THSD4: variants seen among roughly 807,000 people sequenced by gnomAD.
THSD4 encodes the protein thrombospondin type-1 domain-containing protein 4.
THSD4 carries 69 observed loss-of-function variants against 119.0 expected under a neutral mutation model. The ratio of observed to expected loss-of-function variants is 0.58; its 90% CI spans 0.48 to 0.71. THSD4 has a LOEUF of 0.71. Among genes scored for constraint, THSD4 ranks in the 30% least tolerant of loss-of-function variants. The probability of loss-of-function intolerance (pLI) is 0.00; values close to 1 mark genes in which losing one functional copy is unlikely to be tolerated. For missense variants in THSD4, 1,393 were observed against 1,391.1 expected (o/e 1.00, Z -0.02); for synonymous variants, 524 against 540.4 (o/e 0.97, Z 0.42).
chr15:71,703,157 T>C (rs2052325560), intron 8 of THSD4, among the ~76,000 whole-genome samples: 1 of 152,124 alleles, frequency 6.6e-6, no homozygotes, highest in African/African-American at 2.4e-5. Flanking sequence ...CTATTTTTAG[T>C]AGAGACAGAG....
chr15:71,361,916 C>G (rs1228217664), intron 6 of THSD4, among the ~76,000 whole-genome samples: 1 of 152,188 alleles, frequency 6.6e-6, no homozygotes, highest in Non-Finnish European at 1.5e-5. Flanking sequence ...AATAAATATA[C>G]ATACATATTT....
intron 7 of THSD4, among the ~76,000 whole-genome samples, chr15:71,472,766 G>A (rs2047599438): frequency 6.6e-6 from 1 of 152,172 alleles, no homozygotes; most frequent in African/African-American, 2.4e-5. Flanking sequence ...TGACTTGTGT[G>A]TTATTCTCAT....
upstream of THSD4, chr15:71,113,820 T>A (rs2040326110): frequency 6.6e-6 from 1 of 152,248 alleles, no homozygotes; most frequent in African/African-American, 2.4e-5. Flanking sequence ...TTAGTTTTGC[T>A]TTTTTAAAAT....
chr15:71,734,417 A>G (rs1442593991), intron 10 of THSD4, among the ~76,000 whole-genome samples: 1 of 152,220 alleles, frequency 6.6e-6, no homozygotes, highest in African/African-American at 2.4e-5. Flanking sequence ...CTATTGTTTG[A>G]TTCCAACTAT....
At chr15:71,233,460 G>A (rs2044077140) in intron 4 of THSD4, among the ~76,000 whole-genome samples, 1 of 151,984 alleles carries the variant, frequency 6.6e-6, no homozygotes, top group Non-Finnish European at 1.5e-5. Flanking sequence ...TTCATATACT[G>A]TATACATTTT....
intron 6 of THSD4, among the ~76,000 whole-genome samples, chr15:71,352,406 A>G (rs1362284691): frequency 6.6e-6 from 1 of 152,222 alleles, no homozygotes; most frequent in African/African-American, 2.4e-5. Context: ...TCCCTTGCCA[A>G]CAACTTTGTA....
At chr15:71,313,403 C>T (rs1055430713) in intron 6 of THSD4, among the ~76,000 whole-genome samples, 2 of 152,148 alleles carry the variant, frequency 1.3e-5, no homozygotes, top group Admixed American at 6.6e-5. Flanking sequence ...ATCAAATCAG[C>T]CATTTCTTCA....
At chr15:71,364,028 A>G (rs1020382369) in intron 6 of THSD4, among the ~76,000 whole-genome samples, 1 of 152,192 alleles carries the variant, frequency 6.6e-6, no homozygotes, top group African/African-American at 2.4e-5. Flanking sequence ...ACTCAAGGCG[A>G]TAGAAGATGG....
In THSD4 at chr15:71,189,093, A is replaced by G. The variant is rs192510351; in HGVS notation, c.100-25942A>G. ...GACACACCCTAAGCCAGCTGCTCTT[A>G]CTCCGTGGTTGCCACAGCAACCCAG... is the stretch of plus-strand genomic sequence containing the variant. On this transcript the variant is annotated intron_variant, in intron 3 of 17. Transcript: ENST00000261862. The G allele has an allele frequency of 4.4e-3, 669 of 152,126 alleles. 2 individuals are homozygous for G. Among genetic ancestry groups the G allele is most frequent in the Non-Finnish European group, 7.0e-3 (475 of 67,996 alleles). The allele number at this position is 152,126 out of a possible 1,614,324, so 9.4% of individuals were successfully genotyped here. A position where few individuals can be genotyped will look rare whatever the true frequency, so the allele number is the denominator to read the frequency against.
chr15:71,361,119 G>A (rs2045887251), intron 6 of THSD4, among the ~76,000 whole-genome samples: 1 of 152,178 alleles, frequency 6.6e-6, no homozygotes, highest in South Asian at 2.1e-4. Context: ...GGTGTTTGTA[G>A]AGCATGGAGG....
At chr15:71,252,925 A>C (rs1481346485) in intron 5 of THSD4, among the ~76,000 whole-genome samples, 1 of 152,136 alleles carries the variant, frequency 6.6e-6, no homozygotes, top group Non-Finnish European at 1.5e-5. Flanking sequence ...CCTTGCCTGT[A>C]CCACAATGCT....
rs549459793 is a variant in THSD4 at position 71,394,370 on chromosome 15, T to G, written c.1016-17317T>G. On this transcript the variant is annotated intron_variant, in intron 6 of 17. Coordinates refer to ENST00000261862, the MANE Select transcript of THSD4 (RefSeq NM_024817.3). ...TCACTGCCACCTCCACCTCCTGGGT[T>G]CAAGCGATTCTCCTGCCTCAGCCTC... Among the ~76,000 whole-genome samples, 136 of 150,950 alleles carry G rather than the reference T, an allele frequency of 9.0e-4. 4 individuals carry two copies. The South Asian group carries it at 0.027, about 30-fold the overall frequency.
In THSD4 at chr15:71,117,046, G is replaced by T. The variant is rs555591872; in HGVS notation, c.-80+1348G>T. Among the ~76,000 whole-genome samples the T allele has an allele frequency of 2.0e-5, 3 of 152,142 alleles. No individual in the cohort carries two copies. The East Asian group carries it at 5.9e-4, about 30-fold the overall frequency. On this transcript the variant is annotated intron_variant, in intron 1 of 17. Coordinates refer to ENST00000261862, the MANE Select transcript of THSD4 (RefSeq NM_024817.3). ...TGGGACTTTCCTATAAATCTCTGCA[G>T]GGCTGGAGCAGGGATTTCCCAGAGG...
chr15:71,774,947 C>A (rs1287022002), intron 17 of THSD4, among the ~76,000 whole-genome samples: 2 of 152,084 alleles, frequency 1.3e-5, no homozygotes, highest in Admixed American at 1.3e-4. Flanking sequence ...GATATTGAGA[C>A]CAGCCTGGCT....
intron 7 of THSD4, among the ~76,000 whole-genome samples, chr15:71,630,315 G>A (rs777330764): frequency 2.0e-5 from 3 of 152,072 alleles, no homozygotes; most frequent in South Asian, 2.1e-4. Context: ...GTCTCGTCAC[G>A]GCACTGCCTT....
chr15:71,754,592 G>C (rs977557323), intron 14 of THSD4, among the ~76,000 whole-genome samples: 3 of 152,130 alleles, frequency 2.0e-5, no homozygotes, highest in African/African-American at 7.2e-5. Context: ...TAGCAAAATA[G>C]CAAAGGACAT....
intron 7 of THSD4, among the ~76,000 whole-genome samples, chr15:71,539,993 C>T (rs2140835385): frequency 6.6e-6 from 1 of 152,210 alleles, no homozygotes; most frequent in East Asian, 1.9e-4. Context: ...CAGGGCAGTG[C>T]CCTCAGCTTG....
intron 1 of THSD4, among the ~76,000 whole-genome samples, chr15:71,102,568 C>T (rs1567126796): frequency 6.6e-6 from 1 of 151,530 alleles, no homozygotes; most frequent in African/African-American, 2.4e-5. Flanking sequence ...TTATATCTTC[C>T]TTTTTTTTAA....
intron 7 of THSD4, among the ~76,000 whole-genome samples, chr15:71,532,684 G>T (rs2048632937): frequency 6.6e-6 from 1 of 152,134 alleles, no homozygotes; most frequent in Non-Finnish European, 1.5e-5. Context: ...AGAGTGTTTG[G>T]TGCTGGCTGT....
Sources: allele counts gnomAD v4.1 joint callset (sites outside exome capture counted in the v4.1 genomes callset), GRCh38; gene constraint gnomAD v4.1.1; transcripts MANE v1.5; gene names NCBI Gene and HGNC (gene_info 2026-07-23, HGNC 2026-07-21).